Variants in TECR observed in about 807,000 individuals in gnomAD.
The protein encoded by TECR is very-long-chain enoyl-CoA reductase.
A neutral mutation model predicts 50.6 loss-of-function variants in TECR; 19 were observed. The observed-to-expected ratio is 0.38, with a 90% CI of 0.26 to 0.55. TECR has a LOEUF of 0.55. Among genes scored for constraint, TECR ranks in the 20% least tolerant of loss-of-function variants. TECR has a pLI of 0.79. For synonymous variants in TECR, 168 were observed against 163.5 expected, an observed-to-expected ratio of 1.03 and a Z score of -0.21; for missense variants, 313 against 408.3, an observed-to-expected ratio of 0.77 and a Z score of 2.01.
At chr19:14,556,016 C>A (rs2073708489) in intron 1 of TECR, among the ~76,000 whole-genome samples, 1 of 152,182 alleles carries the variant, frequency 6.6e-6, no homozygotes, top group Non-Finnish European at 1.5e-5. Flanking sequence ...CAAGTCTCAT[C>A]CCTCCTCTGC....
At chr19:14,546,098 G>A (rs1360993898) in intron 1 of TECR, among the ~76,000 whole-genome samples, 1 of 152,144 alleles carries the variant, frequency 6.6e-6, no homozygotes, top group East Asian at 1.9e-4. Context: ...ATGCTAGCTC[G>A]TCCCTGGGGA....
chr19:14,551,567 C>T (rs1599464995), intron 1 of TECR, among the ~76,000 whole-genome samples: 1 of 152,268 alleles, frequency 6.6e-6, no homozygotes, highest in East Asian at 1.9e-4. Context: ...TGAGGACGCG[C>T]CCCTGCTTTT....
Position 14,557,128 on chromosome 19 carries a change from T to A in TECR, c.16-5397T>A, listed in dbSNP as rs1197025100. On this transcript the variant is annotated intron_variant, in intron 1 of 12. Transcript: ENST00000215567. ...GTTGGTCTAATCTTATTTATTTATT[T>A]ATTTATTTATTTATTTATTTATTTA... is the stretch of plus-strand genomic sequence containing the variant. Among the ~76,000 whole-genome samples, 423 of 119,560 alleles carry A rather than the reference T, an allele frequency of 3.5e-3. 4 individuals are homozygous for A. Among genetic ancestry groups the A allele is most frequent in the African/African-American group, 0.015 (406 of 26,618 alleles). The allele number at this position is 119,560 out of a possible 152,430, so 78.4% of individuals were successfully genotyped here.
chr19:14,547,072 A>C (rs921508180), intron 1 of TECR, among the ~76,000 whole-genome samples: 4 of 152,214 alleles, frequency 2.6e-5, no homozygotes, highest in African/African-American at 9.7e-5. Flanking sequence ...TATTATAATA[A>C]GATCCTATGA....
chr19:14,549,616 C>T (rs989154538), intron 1 of TECR, among the ~76,000 whole-genome samples: 5 of 151,976 alleles, frequency 3.3e-5, no homozygotes, highest in South Asian at 2.1e-4. Flanking sequence ...CATGAGCCAG[C>T]GTACCTGACC....
At chr19:14,535,324 A>G (rs2072822356) in intron 1 of TECR, among the ~76,000 whole-genome samples, 1 of 150,808 alleles carries the variant, frequency 6.6e-6, no homozygotes, top group South Asian at 2.1e-4. Flanking sequence ...TGGCTAACAC[A>G]GTGAAACCCC....
intron 1 of TECR, among the ~76,000 whole-genome samples, chr19:14,553,761 G>A (rs1354773319): frequency 6.6e-6 from 1 of 152,146 alleles, no homozygotes; most frequent in Non-Finnish European, 1.5e-5. Context: ...ATCGGGCCAG[G>A]CCTCCGACCT....
At chr19:14,552,726 CG>C (rs1424025140) in intron 1 of TECR, among the ~76,000 whole-genome samples, 2 of 151,828 alleles carry the variant, frequency 1.3e-5, no homozygotes, top group African/African-American at 4.8e-5. Context: ...TTAGTAGAGA[CG>C]GGGTTTCACT....
upstream of TECR, among the ~76,000 whole-genome samples, chr19:14,528,955 C>T (rs1361172836): frequency 6.6e-6 from 1 of 152,108 alleles, no homozygotes; most frequent in Non-Finnish European, 1.5e-5. Flanking sequence ...CAAAACAAAA[C>T]AGAAAAACAA....
intron 1 of TECR, among the ~76,000 whole-genome samples, chr19:14,543,628 C>T (rs982614726): frequency 2.0e-5 from 3 of 148,848 alleles, no homozygotes; most frequent in Admixed American, 6.7e-5. Context: ...TTAGTAGAGA[C>T]GGGGTTTCAC....
intron 1 of TECR, among the ~76,000 whole-genome samples, chr19:14,553,657 C>T (rs1441055011): frequency 6.6e-6 from 1 of 152,124 alleles, no homozygotes; most frequent in Non-Finnish European, 1.5e-5. Flanking sequence ...GGCTGAGCCG[C>T]TGAGCCGGAG....
intron 1 of TECR, among the ~76,000 whole-genome samples, chr19:14,561,096 G>A (rs1351887943): frequency 1.3e-5 from 2 of 152,152 alleles, no homozygotes; most frequent in Non-Finnish European, 2.9e-5. Flanking sequence ...GAATGTGCAG[G>A]AGGGGTACCC....
At chr19:14,549,176 C>T (rs2073403851) in intron 1 of TECR, among the ~76,000 whole-genome samples, 1 of 151,402 alleles carries the variant, frequency 6.6e-6, no homozygotes, top group Non-Finnish European at 1.5e-5. Context: ...GCCATCATTA[C>T]CTTCACAGAA....
In TECR at chr19:14,564,852, C is replaced by G. The variant is rs760228540; in HGVS notation, c.556C>G (p.Pro186Ala). Reference protein sequence around the residue: ...AYYINHPLYTPPTYGAQQVKL... With the variant: ...AYYINHPLYTAPTYGAQQVKL... Reference sequence around the variant, plus strand: ...TTACATCAATCACCCTCTCTACACTCCCCCTAGTAAGTGGCCTCAGACCAT... The same window carrying G: ...TTACATCAATCACCCTCTCTACACTGCCCCTAGTAAGTGGCCTCAGACCAT... The change falls in exon 8 of 13, where the codon CCC becomes GCC. Residue 186 changes from proline to alanine, a missense_variant. Physicochemically the swap from Pro to Ala is conservative, Grantham distance 27. Transcript: ENST00000215567. 6.2e-7 allele frequency: 1 copy of G among 1,613,982 alleles called. No individual in the cohort carries two copies. Among genetic ancestry groups the G allele is most frequent in the Non-Finnish European group, 8.5e-7 (1 of 1,180,026 alleles).
chr19:14,528,479 C>T (rs2072487629), upstream of TECR, among the ~76,000 whole-genome samples: 4 of 151,894 alleles, frequency 2.6e-5, no homozygotes, highest in Admixed American at 2.6e-4. Context: ...ACCTCGTGAT[C>T]TGCCCCCCTC....
intron 1 of TECR, among the ~76,000 whole-genome samples, chr19:14,559,023 C>T (rs1396976448): frequency 2.6e-5 from 4 of 152,140 alleles, no homozygotes; most frequent in African/African-American, 9.7e-5. Context: ...ATTGGGGTGG[C>T]AGTGGGGTGT....
In TECR at chr19:14,564,892, C is replaced by T. The variant is rs369748105; in HGVS notation, c.562+34C>T. ...CCTCAGACCATCCTTCCCTCCCCCA[C>T]GGTCCCCACCCAGCGGGTCCTCCCC... is the stretch of plus-strand genomic sequence containing the variant. On this transcript the variant is annotated intron_variant, in intron 8 of 12. Coordinates refer to ENST00000215567, the MANE Select transcript of TECR (RefSeq NM_138501.6). The T allele has an allele frequency of 7.6e-5, 122 of 1,613,902 alleles. No homozygotes were observed. In the East Asian group the frequency reaches 2.1e-3, roughly 28 times the overall value.
Position 14,565,813 on chromosome 19 carries a change from TGAA to T in TECR, c.871_873del (p.Lys291del). 1.2e-6 allele frequency: 2 copies of T among 1,601,966 alleles called. No individual in the cohort carries two copies. Among genetic ancestry groups the T allele is most frequent in the Middle Eastern group, 1.7e-4 (1 of 5,994 alleles). On this transcript the variant is annotated inframe_deletion, in exon 13 of 13. Coordinates refer to ENST00000215567, the MANE Select transcript of TECR (RefSeq NM_138501.6). ...GCCAAGGGCAAGCACCGCAGCTACC[TGAA>T]GGAGTTCCGGGACTACCCGCCCCTG...
intron 1 of TECR, among the ~76,000 whole-genome samples, chr19:14,559,492 T>G (rs2073840933): frequency 6.6e-6 from 1 of 152,078 alleles, no homozygotes; most frequent in South Asian, 2.1e-4. Flanking sequence ...CTTTCTTACT[T>G]AGAAATAATT....
Sources: allele counts gnomAD v4.1 joint callset (sites outside exome capture counted in the v4.1 genomes callset), GRCh38; gene constraint gnomAD v4.1.1; transcripts MANE v1.5; gene names NCBI Gene and HGNC (gene_info 2026-07-23, HGNC 2026-07-21).